FANCD2: variants seen among roughly 807,000 people sequenced by gnomAD.
FANCD2 encodes FA complementation group D2.
A neutral mutation model predicts 192.3 loss-of-function variants in FANCD2; 131 were observed. The ratio of observed to expected loss-of-function variants is 0.68; its 90% CI spans 0.59 to 0.79. FANCD2 has a LOEUF of 0.79. FANCD2 is among the 30% of genes least tolerant of loss of function. FANCD2 has a pLI of 0.00. For missense variants in FANCD2, 1,508 were observed against 1,701.6 expected (o/e 0.89, Z 2.00); for synonymous variants, 524 against 612.5 (o/e 0.86, Z 2.13).
chr3:10,066,272 T>G (rs2087717145), intron 25 of FANCD2, among the ~76,000 whole-genome samples: 1 of 152,258 alleles, frequency 6.6e-6, no homozygotes, highest in Non-Finnish European at 1.5e-5. Flanking sequence ...CACAGGCATA[T>G]GCCTACTGTT....
intron 18 of FANCD2, chr3:10,058,050 T>A (rs753729530): frequency 5.5e-5 from 27 of 486,796 alleles, no homozygotes; most frequent in Middle Eastern, 4.4e-4. Context: ...AAGATCATTT[T>A]TCTTCCAGGG....
intron 30 of FANCD2, among the ~76,000 whole-genome samples, chr3:10,079,810 G>T (rs1437397113): frequency 2.0e-5 from 3 of 152,218 alleles, no homozygotes; most frequent in Non-Finnish European, 2.9e-5. Flanking sequence ...CGGGGAAGCA[G>T]TTGGACGGTA....
intron 32 of FANCD2, among the ~76,000 whole-genome samples, chr3:10,082,653 C>A (rs1157073150): frequency 6.6e-6 from 1 of 152,142 alleles, no homozygotes; most frequent in Admixed American, 6.5e-5. Context: ...CCCCACTCTT[C>A]TTGATCCCCA....
At chr3:10,045,541 C>T (rs1427304425) in intron 14 of FANCD2, 1 of 150,904 alleles carries the variant, frequency 6.6e-6, no homozygotes, top group African/African-American at 2.5e-5. Context: ...TTGAACCTTT[C>T]CTGTATTGAT....
intron 15 of FANCD2, among the ~76,000 whole-genome samples, chr3:10,046,956 G>A (rs1205099116): frequency 6.6e-6 from 1 of 152,286 alleles, no homozygotes; most frequent in African/African-American, 2.4e-5. Context: ...GGACCAGCCT[G>A]TAGAAACTAG....
Position 10,064,823 on chromosome 3 carries a change from C to T in FANCD2, c.2116C>T (p.Gln706Ter), listed in dbSNP as rs147532349. 1 of 1,613,938 alleles carries T rather than the reference C, an allele frequency of 6.2e-7. No homozygotes were observed. Among genetic ancestry groups the T allele is most frequent in the Middle Eastern group, 1.7e-4 (1 of 6,056 alleles). The change falls in exon 23 of 44, where the codon CAG (glutamine) becomes TAG (stop). Residue 706 changes from glutamine to a stop codon, truncating the protein, a stop_gained. Transcript: ENST00000675286. LOFTEE classifies it high-confidence loss of function. ...AAACCTCCTGCCGCTGCTGTTTTCT[C>T]AGGACTTTGCAAAAGATGGGGGTCC... ...AINLLPLLFS[Q>*]DFAKDGGPVT...
In FANCD2 at chr3:10,052,235, T is replaced by A. The variant is rs1294339733; in HGVS notation, c.1546-152T>A. 5 of 657,196 alleles carry A rather than the reference T, an allele frequency of 7.6e-6. No homozygotes were observed. The Middle Eastern group carries it at 1.2e-3, about 152-fold the overall frequency. 40.7% of individuals were successfully genotyped at this position (657,196 alleles called of 1,614,324 possible). On this transcript the variant is annotated intron_variant, in intron 17 of 43. Coordinates refer to ENST00000675286, the MANE Select transcript of FANCD2 (RefSeq NM_001018115.3). ...AACCTTTGGGCTCTGAGCATAGCTTTTAGAACTTGAGCTTTGAGCTTTTAA... is the reference window on the plus strand; with the variant it reads ...AACCTTTGGGCTCTGAGCATAGCTTATAGAACTTGAGCTTTGAGCTTTTAA...
rs1693637270 is a variant in FANCD2, at chr3:10,078,216, A to G, written c.2976+19A>G. 8.0e-6 allele frequency: 12 copies of G among 1,491,672 alleles called. No individual in the cohort carries two copies. Among genetic ancestry groups the G allele is most frequent in the African/African-American group, 1.4e-5 (1 of 72,528 alleles). 92.4% of individuals were successfully genotyped at this position (1,491,672 alleles called of 1,614,324 possible). A position where few individuals can be genotyped will look rare whatever the true frequency, so the allele number is the denominator to read the frequency against. On this transcript the variant is annotated intron_variant, in intron 30 of 43. Transcript: ENST00000675286. ...TCTCAAGGTTAGTGTAGGCAGAAGCATAGGACTTGGGCATAGTGGATTTGG... is the reference window on the plus strand; with the variant it reads ...TCTCAAGGTTAGTGTAGGCAGAAGCGTAGGACTTGGGCATAGTGGATTTGG...
intron 43 of FANCD2, 192 bp downstream of exon 43, chr3:10,099,007 G>A: frequency 6.2e-7 from 1 of 1,613,440 alleles, no homozygotes; most frequent in East Asian, 2.2e-5. Context: ...CACAATCTTA[G>A]AATCACTCCT....
chr3:10,037,428 G>A (rs914615819), intron 7 of FANCD2: 4 of 152,112 alleles, frequency 2.6e-5, no homozygotes, highest in Admixed American at 6.5e-5. Context: ...GCATCGATTC[G>A]GAAGAGCAAT....
chr3:10,097,187 C>T (rs1036833799), intron 42 of FANCD2, among the ~76,000 whole-genome samples: 10 of 152,076 alleles, frequency 6.6e-5, no homozygotes, highest in Admixed American at 5.9e-4. Flanking sequence ...ATCACATGAC[C>T]GCAGGACCGA....
intron 25 of FANCD2, 64 bp from the exon 26 acceptor site, chr3:10,067,145 A>G (rs2087743308): frequency 1.9e-6 from 2 of 1,059,496 alleles, no homozygotes; most frequent in Admixed American, 1.9e-5. Context: ...CTCTGGATAA[A>G]TAATATAAAC....
At chr3:10,079,149 C>T (rs950627071) in intron 30 of FANCD2, among the ~76,000 whole-genome samples, 2 of 151,584 alleles carry the variant, frequency 1.3e-5, no homozygotes, top group Non-Finnish European at 2.9e-5. Context: ...GAGGCTGAGG[C>T]AGAAGACTTG....
chr3:10,036,369 G>A (rs758136121), intron 7 of FANCD2, 30 bp downstream of exon 7: 25 of 1,493,092 alleles, frequency 1.7e-5, no homozygotes, highest in Admixed American at 6.7e-5. Context: ...AATGTTCAAA[G>A]TACCCTGATG....
At chr3:10,069,470 T>TCCCCC (rs1491407342) in intron 26 of FANCD2, among the ~76,000 whole-genome samples, 1 of 78,096 alleles carries the variant, frequency 1.3e-5, no homozygotes, top group African/African-American at 6.9e-5. Context: ...CCTCTCCCCC[T>TCCCCC]CCCCCTCCCC....
intron 17 of FANCD2, among the ~76,000 whole-genome samples, chr3:10,051,450 A>G (rs2087214332): frequency 0.031 from 3 of 98 alleles, no homozygotes; most frequent in Non-Finnish European, 0.045. Flanking sequence ...TGGACACTGA[A>G]AAAGTTGAAG....
chr3:10,049,492 C>T lies in FANCD2; in HGVS notation c.1532C>T (p.Ala511Val), dbSNP rs535880276. ...AACCCATCTGCTATGATGATGAATGCTGTCTTTGTAAAGGTATCTTATTGG... is the reference window on the plus strand; with the variant it reads ...AACCCATCTGCTATGATGATGAATGTTGTCTTTGTAAAGGTATCTTATTGG... Reference protein sequence around the residue: ...VLNPSAMMMNAVFVKGILDYL... With the variant: ...VLNPSAMMMNVVFVKGILDYL... The change falls in exon 17 of 44, where the codon GCT (alanine) becomes GTT (valine). Residue 511 changes from alanine (A) to valine (V), a missense_variant. Coordinates refer to ENST00000675286, the MANE Select transcript of FANCD2 (RefSeq NM_001018115.3). The T allele has an allele frequency of 3.7e-6, 6 of 1,601,952 alleles. No individual in the cohort carries two copies. The African/African-American group carries it at 4.1e-5, about 11-fold the overall frequency.
At chr3:10,039,412 T>A in intron 8 of FANCD2, 55 bp downstream of exon 8, 1 of 1,421,124 alleles carries the variant, frequency 7.0e-7, no homozygotes, top group Non-Finnish European at 9.9e-7. Flanking sequence ...TCATATCTTT[T>A]GGAGGTTGTA....
chr3:10,072,778 AACTAGT>A, intron 26 of FANCD2, 87 bp from the exon 27 acceptor site: 1 of 772,194 alleles, frequency 1.3e-6, no homozygotes, highest in Admixed American at 1.8e-5. Flanking sequence ...TAATTTTGGA[AACTAGT>A]TTTTAGCCAA....
Sources: gnomAD v4.1 joint callset for allele counts (sites outside exome capture counted in the v4.1 genomes callset) on GRCh38, gnomAD v4.1.1 for gene constraint, MANE v1.5 for transcripts, NCBI Gene and HGNC (gene_info 2026-07-23, HGNC 2026-07-21) for gene names.